Variants in SYT6 observed in about 807,000 individuals in gnomAD.
SYT6 encodes the protein synaptotagmin-6.
SYT6 carries 24 observed loss-of-function variants against 38.4 expected under a neutral mutation model. The observed-to-expected ratio is 0.62, with a 90% CI of 0.45 to 0.88. The LOEUF (loss-of-function observed/expected upper bound fraction) is 0.88. Among genes scored for constraint, SYT6 ranks in the 40% least tolerant of loss-of-function variants. The pLI is 0.00. For synonymous variants in SYT6, 265 were observed against 241.9 expected (o/e 1.10, Z -0.89); for missense variants, 611 against 621.0 (o/e 0.98, Z 0.17).
Position 114,139,841 on chromosome 1 carries a change from G to C in SYT6, c.286C>G (p.Pro96Ala), listed in dbSNP as rs1557765933. ...TCCAAGGGGGGATTAGCAGAAGAGG[G>C]ACTGGAGGCCTCCTTGTTCCTCCAG... is the stretch of plus-strand genomic sequence containing the variant. Reference protein sequence around the residue: ...MPWRNKEASSPSSANPPLEAL... With the variant: ...MPWRNKEASSASSANPPLEAL... Residue 96 changes from proline to alanine, a missense_variant, in exon 2 of 8, where the codon CCC becomes GCC. Transcript: ENST00000610222. The C allele has an allele frequency of 6.3e-7, 1 of 1,591,340 alleles. No individual in the cohort carries two copies.
intron 1 of SYT6, 64 bp from the exon 2 acceptor site, chr1:114,140,027 G>T: frequency 1.0e-6 from 1 of 989,374 alleles, no homozygotes; most frequent in Non-Finnish European, 1.5e-6. Context: ...AGCGGGTGAG[G>T]GTGTTGGAGG....
intron 3 of SYT6, among the ~76,000 whole-genome samples, chr1:114,128,418 A>G (rs922021647): frequency 1.3e-5 from 2 of 152,136 alleles, no homozygotes; most frequent in African/African-American, 4.8e-5. Context: ...CCCAGCCCCA[A>G]CTTTTCCCTA....
rs553140494 is a variant in SYT6, at chr1:114,099,555, G to A, written c.1193-290C>T. ...CCCCATATCAGACATGACACCTGCC[G>A]ATAGGTATGCAGTTCACAGCCCTAA... On this transcript the variant is annotated intron_variant, in intron 4 of 7. Coordinates refer to ENST00000610222, the MANE Select transcript of SYT6 (RefSeq NM_001253772.2). Among the ~76,000 whole-genome samples, 9 of 152,262 alleles carry A rather than the reference G, an allele frequency of 5.9e-5. No homozygotes were observed. The East Asian group carries it at 9.6e-4, about 16-fold the overall frequency.
chr1:114,126,278 A>C (rs1278662548), intron 3 of SYT6, among the ~76,000 whole-genome samples: 1 of 152,184 alleles, frequency 6.6e-6, no homozygotes, highest in Non-Finnish European at 1.5e-5. Context: ...CCCCAAGTCC[A>C]TGAAAATATG....
At chr1:114,121,453 C>G (rs571620215) in intron 3 of SYT6, among the ~76,000 whole-genome samples, 2 of 152,346 alleles carry the variant, frequency 1.3e-5, no homozygotes, top group South Asian at 4.1e-4. Context: ...TGGTAGTCCT[C>G]TCCCTTCACT....
chr1:114,119,272 C>G (rs1193911893), intron 3 of SYT6, among the ~76,000 whole-genome samples: 5 of 152,168 alleles, frequency 3.3e-5, no homozygotes, highest in Non-Finnish European at 5.9e-5. Flanking sequence ...AAGCTGGAAT[C>G]CCTTTCTCTT....
chr1:114,105,482 C>T (rs1676241689), intron 3 of SYT6, among the ~76,000 whole-genome samples: 1 of 138,376 alleles, frequency 7.2e-6, no homozygotes, highest in Non-Finnish European at 1.5e-5. Flanking sequence ...CTAGGAACAG[C>T]AGAAGGTGAA....
chr1:114,119,062 G>A (rs1441918749), intron 3 of SYT6, among the ~76,000 whole-genome samples: 1 of 152,164 alleles, frequency 6.6e-6, no homozygotes, highest in East Asian at 1.9e-4. Context: ...TCGGCCTGAC[G>A]TCTCTCTTTA....
chr1:114,136,945 CAG>C (rs922944828), intron 3 of SYT6, among the ~76,000 whole-genome samples: 1 of 152,124 alleles, frequency 6.6e-6, no homozygotes, highest in African/African-American at 2.4e-5. Context: ...TTTTAATAAA[CAG>C]TGCGTGATTT....
chr1:114,097,864 C>A lies in SYT6; in HGVS notation c.1378G>T (p.Glu460Ter). The change falls in exon 6 of 8, where the codon GAG (glutamate) becomes TAG (stop). Residue 460 changes from glutamate (E) to a stop codon, truncating the protein, a stop_gained. Transcript: ENST00000610222. LOFTEE classifies it high-confidence loss of function. ...VMDYDRVGHN[E>*]IIGVCRVGIT... Reference sequence around the variant, plus strand: ...CCCACACGACAGACTCCTATGATCTCATTGTGGCCCACTCTGAGGGAGAAA... The same window carrying A: ...CCCACACGACAGACTCCTATGATCTAATTGTGGCCCACTCTGAGGGAGAAA... The A allele has an allele frequency of 6.2e-7, 1 of 1,614,114 alleles. No individual in the cohort carries two copies.
intron 3 of SYT6, among the ~76,000 whole-genome samples, chr1:114,118,151 A>T (rs917168978): frequency 2.6e-5 from 4 of 152,226 alleles, no homozygotes; most frequent in African/African-American, 9.6e-5. Context: ...CAGGAAGTAC[A>T]GAGCTCTTTG....
At chr1:114,098,769 G>A (rs1263065073) in intron 5 of SYT6, among the ~76,000 whole-genome samples, 2 of 152,294 alleles carry the variant, frequency 1.3e-5, no homozygotes, top group African/African-American at 2.4e-5. Flanking sequence ...GAAATAGAGA[G>A]GATAGAGGGG....
chr1:114,129,613 T>TTTCC (rs1677999994), intron 3 of SYT6, among the ~76,000 whole-genome samples: 2 of 67,942 alleles, frequency 2.9e-5, no homozygotes, highest in South Asian at 6.3e-4. Flanking sequence ...TCTTTCTTTC[T>TTTCC]TTCCTTTCTT....
chr1:114,124,529 C>T (rs146935158), intron 3 of SYT6, among the ~76,000 whole-genome samples: 32 of 152,268 alleles, frequency 2.1e-4, no homozygotes, highest in African/African-American at 7.7e-4. Context: ...GTCTGCTGTG[C>T]CACTGGGAAG....
In SYT6 at chr1:114,149,204, A is replaced by ATT. The variant is rs1208544445; in HGVS notation, c.163+4405_163+4406insAA. 4.1e-4 allele frequency among the ~76,000 whole-genome samples: 7 copies of ATT among 17,230 alleles called. No homozygotes were observed. The African/African-American group carries it at 7.0e-3, about 17-fold the overall frequency. 11.3% of individuals were successfully genotyped at this position (17,230 alleles called of 152,430 possible). A position where few individuals can be genotyped will look rare whatever the true frequency, so the allele number is the denominator to read the frequency against. The stretch of plus-strand genomic sequence containing the variant: ...TACCTGAGGAATATCTGAGAGAGAG[A>ATT]GAGAGAGAGAGATTGTGTGTGTGTG... On this transcript the variant is annotated intron_variant, in intron 1 of 7. Transcript: ENST00000610222.
intron 1 of SYT6, among the ~76,000 whole-genome samples, chr1:114,143,202 A>T (rs543901178): frequency 9.2e-4 from 133 of 145,036 alleles, no homozygotes; most frequent in African/African-American, 3.3e-3. Flanking sequence ...TATACTATAT[A>T]TATTTTATTT....
At chr1:114,102,274 T>C (rs1041774007) in intron 4 of SYT6, among the ~76,000 whole-genome samples, 1 of 152,238 alleles carries the variant, frequency 6.6e-6, no homozygotes, top group Non-Finnish European at 1.5e-5. Flanking sequence ...GACTTGCTGC[T>C]GCCTAAGCTT....
At chr1:114,145,430 G>A (rs144421992) in intron 1 of SYT6, among the ~76,000 whole-genome samples, 1 of 151,708 alleles carries the variant, frequency 6.6e-6, no homozygotes, top group East Asian at 1.9e-4. Flanking sequence ...CAGCCAGTCT[G>A]GTTCTGAAGT....
In SYT6 at chr1:114,092,052, C is replaced by T; in HGVS notation, c.*82G>A. The T allele has an allele frequency of 1.3e-6, 2 of 1,536,290 alleles. No individual in the cohort carries two copies. Among genetic ancestry groups the T allele is most frequent in the South Asian group, 1.2e-5 (1 of 84,058 alleles). On this transcript the variant is annotated 3_prime_UTR_variant, in exon 8 of 8. Transcript: ENST00000610222. ...GGTTTCGGAGATGGGCACGAGCTCT[C>T]ACTGTCGAAGCTAGCAGCTCGGCCC...
Sources: gnomAD v4.1 joint callset for allele counts (sites outside exome capture counted in the v4.1 genomes callset) on GRCh38, gnomAD v4.1.1 for gene constraint, MANE v1.5 for transcripts, NCBI Gene and HGNC (gene_info 2026-07-23, HGNC 2026-07-21) for gene names.